The following SPG11 variants were observed in gnomAD, a reference collection of about 807,000 sequenced individuals.
SPG11 encodes the protein SPG11 vesicle trafficking associated, spatacsin.
Under a neutral mutation model 274.0 loss-of-function variants are expected in SPG11, and 222 were observed. The observed-to-expected ratio is 0.81, with a 90% CI of 0.73 to 0.91. The LOEUF is 0.91. Among genes scored for constraint, SPG11 ranks in the 40% least tolerant of loss-of-function variants. The pLI is 0.00. For missense variants in SPG11, 3,114 were observed against 2,872.7 expected, an observed-to-expected ratio of 1.08 and a Z score of -1.92; for synonymous variants, 1,144 against 1,039.7, an observed-to-expected ratio of 1.10 and a Z score of -1.93.
intron 6 of SPG11, among the ~76,000 whole-genome samples, chr15:44,650,289 C>T (rs1253785240): frequency 2.6e-5 from 4 of 151,960 alleles, no homozygotes; most frequent in African/African-American, 4.8e-5. Context: ...GAGGCCAAGC[C>T]GGGATGATCA....
chr15:44,577,256 A>G (rs1306443398), intron 30 of SPG11, among the ~76,000 whole-genome samples: 1 of 152,136 alleles, frequency 6.6e-6, no homozygotes, highest in Non-Finnish European at 1.5e-5. Context: ...TAATCCCATC[A>G]TTTTGGAAGG....
intron 7 of SPG11, among the ~76,000 whole-genome samples, chr15:44,641,632 C>CAG: frequency 6.8e-6 from 1 of 146,644 alleles, no homozygotes; most frequent in African/African-American, 2.5e-5. Flanking sequence ...CACACACACA[C>CAG]AAAACCTTAA....
At chr15:44,606,189 C>A in intron 19 of SPG11, 98 bp from the exon 20 acceptor site, 1 of 1,037,386 alleles carries the variant, frequency 9.6e-7, no homozygotes, top group Non-Finnish European at 1.5e-6. Flanking sequence ...GTCTGCTCCC[C>A]TTTTCCAAGG....
chr15:44,585,602 TAAAA>T (rs34800368), intron 29 of SPG11, 30 bp downstream of exon 29: 4,111 of 1,185,806 alleles, frequency 3.5e-3, no homozygotes, highest in Middle Eastern at 4.1e-3. Flanking sequence ...ACCCCGTATC[TAAAA>T]AAAAAAAAAA....
Position 44,567,436 on chromosome 15 carries a change from A to T in SPG11, c.6742T>A (p.Ser2248Thr). The T allele has an allele frequency of 3.7e-6, 6 of 1,613,130 alleles. No individual in the cohort carries two copies. The highest frequency in any genetic ancestry group is 5.1e-6 in the Non-Finnish European group (6 of 1,179,688). ...TGACCTCACTCACCCCAGGGCTGAG[A>T]CTCAATCAATTTCAGTTGGATGCGG... ...AARIQLKLIE[S>T]QPWEDSLKDG... is the part of the protein sequence containing the mutation. Residue 2248 changes from serine to threonine, a missense_variant, in exon 36 of 40, where the codon TCT becomes ACT. Physicochemically the swap from Ser to Thr is moderately conservative, Grantham distance 58. Coordinates refer to ENST00000261866, the MANE Select transcript of SPG11 (RefSeq NM_025137.4).
intron 9 of SPG11, 100 bp from the exon 10 acceptor site, chr15:44,628,944 T>A (rs1167301656): frequency 8.1e-7 from 1 of 1,236,296 alleles, no homozygotes; most frequent in Non-Finnish European, 1.2e-6. Flanking sequence ...TCAAACTTGG[T>A]ATTTTTAAAT....
At chr15:44,598,480 G>T in intron 22 of SPG11, 107 bp from the exon 23 acceptor site, 4 of 1,262,458 alleles carry the variant, frequency 3.2e-6, no homozygotes, top group African/African-American at 1.5e-5. Flanking sequence ...CAATTAAAGT[G>T]CCCAAGAAAG....
At chr15:44,635,459 AGCTGG>A (rs1567179374) in intron 7 of SPG11, among the ~76,000 whole-genome samples, 2 of 151,838 alleles carry the variant, frequency 1.3e-5, no homozygotes, top group Non-Finnish European at 2.9e-5. Context: ...ATTAAAAAGT[AGCTGG>A]GTGTGGTGGC....
intron 6 of SPG11, 112 bp from the exon 7 acceptor site, chr15:44,649,123 T>A: frequency 7.5e-6 from 6 of 796,788 alleles, no homozygotes; most frequent in South Asian, 1.6e-5. Context: ...ACAAATATAT[T>A]TATATTTACT....
intron 8 of SPG11, among the ~76,000 whole-genome samples, chr15:44,632,036 T>C (rs116904492): frequency 0.015 from 2,242 of 152,066 alleles, 58 homozygotes; most frequent in East Asian, 0.1. Flanking sequence ...CTCAAACTCC[T>C]GGGCTCAAGA....
At chr15:44,627,260 A>T (rs2083927387) in intron 10 of SPG11, among the ~76,000 whole-genome samples, 1 of 152,220 alleles carries the variant, frequency 6.6e-6, no homozygotes, top group African/African-American at 2.4e-5. Context: ...ATGTGAAAAG[A>T]AATACTTAAA....
chr15:44,571,557 G>A (rs1480691883), intron 33 of SPG11, among the ~76,000 whole-genome samples: 2 of 149,392 alleles, frequency 1.3e-5, no homozygotes, highest in Non-Finnish European at 3.0e-5. Flanking sequence ...GAGTGCAGCG[G>A]CGCCATCTCC....
Position 44,663,472 on chromosome 15 carries a change from G to A in SPG11, c.176C>T (p.Ala59Val), listed in dbSNP as rs552320263. ...AGAAAGCACTTGGAGGCTGCCCGCA[G>A]CCGTCAGGCTCCCCAGAGCCTCCGG... ...TQPEALGSLT[A>V]AGSLQVLSLT... Residue 59 changes from alanine (A) to valine (V), a missense_variant, in exon 1 of 40, where the codon GCT (alanine) becomes GTT (valine). Ala to Val is a moderately conservative substitution (Grantham distance 64). Coordinates refer to ENST00000261866, the MANE Select transcript of SPG11 (RefSeq NM_025137.4). 6.9e-4 allele frequency: 1,104 copies of A among 1,594,698 alleles called. 15 individuals are homozygous for A. The South Asian group carries it at 0.011, about 17-fold the overall frequency.
At chr15:44,604,367 C>A (rs1215310193) in intron 20 of SPG11, among the ~76,000 whole-genome samples, 3 of 152,124 alleles carry the variant, frequency 2.0e-5, no homozygotes, top group Non-Finnish European at 4.4e-5. Context: ...TAAAGCCATT[C>A]ATTAGATATT....
chr15:44,661,325 T>C lies in SPG11; in HGVS notation c.258-709A>G, dbSNP rs1014957802. 3.9e-5 allele frequency among the ~76,000 whole-genome samples: 6 copies of C among 152,192 alleles called. No homozygotes were observed. In the South Asian group the frequency reaches 6.2e-4, roughly 16 times the overall value. On this transcript the variant is annotated intron_variant, in intron 1 of 39. Transcript: ENST00000261866. ...GATGGTGTTTCAGCTTCAAATTAAA[T>C]ATTAAAACTAAATTACACATTACAA...
intron 5 of SPG11, 23 bp from the exon 6 acceptor site, chr15:44,651,962 CT>C: frequency 6.2e-7 from 1 of 1,602,426 alleles, no homozygotes; most frequent in Non-Finnish European, 8.5e-7. Context: ...TAAAATATAA[CT>C]TAACACCTGT....
At chr15:44,589,452 C>G in intron 27 of SPG11, 38 bp from the exon 28 acceptor site, 1 of 1,613,164 alleles carries the variant, frequency 6.2e-7, no homozygotes, top group Non-Finnish European at 8.5e-7. Flanking sequence ...AAAGCAGTTT[C>G]ATGAGAATAG....
rs1287370710 is a variant in SPG11, at chr15:44,584,282, G to A, written c.5398C>T (p.Gln1800Ter). The change falls in exon 30 of 40, where the codon CAG becomes TAG. Residue 1800 changes from glutamine (Q) to a stop codon, truncating the protein, a stop_gained. Transcript: ENST00000261866. LOFTEE classifies it high-confidence loss of function. ...PLDKLEELEK[Q>*]IWLCRITQHT... is the part of the protein sequence containing the mutation. ...TGGGTGATGCGGCACAGCCAGATCT[G>A]CTTCTCCAGCTCCTCCAGCTTATCC... 15 of 1,613,434 alleles carry A rather than the reference G, an allele frequency of 9.3e-6. No homozygotes were observed. Among genetic ancestry groups the A allele is most frequent in the Non-Finnish European group, 1.3e-5 (15 of 1,179,516 alleles).
At chr15:44,641,626 C>CACACAG (rs2084444385) in intron 7 of SPG11, among the ~76,000 whole-genome samples, 1 of 150,468 alleles carries the variant, frequency 6.6e-6, no homozygotes, top group Non-Finnish European at 1.5e-5. Context: ...CACACACACA[C>CACACAG]ACACACAAAA....
Sources: allele counts gnomAD v4.1 joint callset (sites outside exome capture counted in the v4.1 genomes callset), GRCh38; gene constraint gnomAD v4.1.1; transcripts MANE v1.5; gene names NCBI Gene and HGNC (gene_info 2026-07-23, HGNC 2026-07-21).